Variants in HECW1 observed in about 807,000 individuals in gnomAD.
HECW1 encodes the protein E3 ubiquitin-protein ligase HECW1.
In HECW1, 61 loss-of-function variants were observed where a neutral mutation model predicts 182.3. That is an observed-to-expected ratio of 0.33 (90% confidence interval 0.27 to 0.41). HECW1 has a LOEUF of 0.41. Among genes scored for constraint, HECW1 ranks in the 10% least tolerant of loss-of-function variants. The pLI is 1.00. For missense variants in HECW1, 1,739 were observed against 2,108.9 expected (o/e 0.82, Z 3.44); for synonymous variants, 859 against 832.6 (o/e 1.03, Z -0.55).
chr7:43,379,585 A>C (rs773369667), intron 6 of HECW1, among the ~76,000 whole-genome samples: 2 of 152,062 alleles, frequency 1.3e-5, no homozygotes, highest in Non-Finnish European at 2.9e-5. Context: ...CTTGCCTGAC[A>C]CTGCCTCATT....
intron 15 of HECW1, among the ~76,000 whole-genome samples, chr7:43,467,733 A>T (rs1426944132): frequency 1.3e-5 from 2 of 152,110 alleles, no homozygotes; most frequent in Non-Finnish European, 2.9e-5. Flanking sequence ...ACTCAGCAGC[A>T]CTTAGGTCCA....
chr7:43,471,467 A>G (rs2078021015), intron 16 of HECW1, among the ~76,000 whole-genome samples: 1 of 152,202 alleles, frequency 6.6e-6, no homozygotes, highest in South Asian at 2.1e-4. Context: ...CCACCATGGT[A>G]GGAAGTAGAA....
intron 5 of HECW1, among the ~76,000 whole-genome samples, chr7:43,354,398 C>A (rs573273156): frequency 9.2e-5 from 14 of 152,052 alleles, no homozygotes; most frequent in Middle Eastern, 3.4e-3. Context: ...ACAAACTCAG[C>A]GATCTCCAAG....
At chr7:43,299,683 C>T (rs1806488724) in intron 3 of HECW1, among the ~76,000 whole-genome samples, 1 of 152,172 alleles carries the variant, frequency 6.6e-6, no homozygotes, top group African/African-American at 2.4e-5. Flanking sequence ...TCGCCTGAGA[C>T]GTTTAAGAAA....
chr7:43,471,329 G>T (rs1172976949), intron 16 of HECW1, among the ~76,000 whole-genome samples: 1 of 152,224 alleles, frequency 6.6e-6, no homozygotes, highest in African/African-American at 2.4e-5. Flanking sequence ...AAACAGTGGG[G>T]TGGCCATAGC....
intron 6 of HECW1, among the ~76,000 whole-genome samples, chr7:43,387,916 A>G (rs904662889): frequency 6.6e-6 from 1 of 152,280 alleles, no homozygotes; most frequent in Non-Finnish European, 1.5e-5. Flanking sequence ...TTAAAAAACA[A>G]ATACAATATA....
intron 2 of HECW1, among the ~76,000 whole-genome samples, chr7:43,218,916 C>T (rs1796689373): frequency 2.0e-5 from 3 of 152,054 alleles, no homozygotes. Context: ...AAGAAGCTCC[C>T]CTGTACAGAG....
At chr7:43,307,850 C>G (rs1324350580) in intron 3 of HECW1, among the ~76,000 whole-genome samples, 4 of 140,224 alleles carry the variant, frequency 2.9e-5, no homozygotes, top group Non-Finnish European at 4.5e-5. Context: ...GATGTGCTAG[C>G]TAACTTGATT....
chr7:43,396,554 G>A, intron 6 of HECW1: 1 of 366,766 alleles, frequency 2.7e-6, no homozygotes, highest in Non-Finnish European at 5.0e-6. Context: ...GTTACAAAGG[G>A]TCTTTTCTAT....
chr7:43,178,292 C>T lies in HECW1; in HGVS notation c.-32+63901C>T, dbSNP rs930490296. Among the ~76,000 whole-genome samples, 7 of 142,458 alleles carry T rather than the reference C, an allele frequency of 4.9e-5. No individual in the cohort carries two copies. In the South Asian group the frequency reaches 1.3e-3, roughly 27 times the overall value. 93.5% of individuals were successfully genotyped at this position (142,458 alleles called of 152,430 possible). On this transcript the variant is annotated intron_variant, in intron 2 of 29. Coordinates refer to ENST00000395891, the MANE Select transcript of HECW1 (RefSeq NM_015052.5). ...AAGTACTGGGATTACAGGCGTGAGCCACCGCACCTGGCCAGCAGGGTTCTA... is the reference window on the plus strand; with the variant it reads ...AAGTACTGGGATTACAGGCGTGAGCTACCGCACCTGGCCAGCAGGGTTCTA...
At chr7:43,525,688 G>T (rs868660787) in intron 24 of HECW1, among the ~76,000 whole-genome samples, 2 of 152,320 alleles carry the variant, frequency 1.3e-5, no homozygotes, top group Middle Eastern at 6.8e-3. Flanking sequence ...TCGGAGAAGG[G>T]GGATGTTGGT....
At chr7:43,541,053 C>T (rs773446067) in intron 24 of HECW1, 110 bp from the exon 25 acceptor site, 1 of 836,572 alleles carries the variant, frequency 1.2e-6, no homozygotes, top group Non-Finnish European at 2.0e-6. Context: ...GAGAAGATTC[C>T]TTAAGCAGCT....
intron 26 of HECW1, among the ~76,000 whole-genome samples, chr7:43,547,961 C>T (rs2081629337): frequency 6.6e-6 from 1 of 152,246 alleles, no homozygotes; most frequent in African/African-American, 2.4e-5. Context: ...TCATCAGCAA[C>T]ACTTGCGTTC....
At chr7:43,334,094 T>C (rs1811828497) in intron 5 of HECW1, among the ~76,000 whole-genome samples, 1 of 152,240 alleles carries the variant, frequency 6.6e-6, no homozygotes, top group Non-Finnish European at 1.5e-5. Context: ...TCAATGGTTG[T>C]GCATAGCCAC....
intron 26 of HECW1, among the ~76,000 whole-genome samples, chr7:43,546,168 C>T (rs2081551279): frequency 6.7e-6 from 1 of 150,308 alleles, no homozygotes; most frequent in Non-Finnish European, 1.5e-5. Flanking sequence ...TGGTGTCTGT[C>T]AGCTCTTGAA....
intron 3 of HECW1, among the ~76,000 whole-genome samples, chr7:43,278,008 C>T (rs1444190738): frequency 6.6e-6 from 1 of 152,044 alleles, no homozygotes; most frequent in Admixed American, 6.5e-5. Flanking sequence ...CAGACCTGGC[C>T]CTCTCCTGCT....
At chr7:43,419,293 C>A (rs74399349) in intron 8 of HECW1, among the ~76,000 whole-genome samples, 173 of 152,354 alleles carry the variant, frequency 1.1e-3, no homozygotes, top group African/African-American at 4.0e-3. Context: ...GTGAAGAATT[C>A]ATTCCATGCC....
At position 43,493,104 on chromosome 7, in the gene HECW1, G is replaced by A. The variant is rs1360434194; in HGVS notation, c.3361G>A (p.Ala1121Thr). The change falls in exon 19 of 30, where the codon GCA becomes ACA. Residue 1121 changes from alanine to threonine, a missense_variant. Around this residue, in one of 5 missense-constraint regions of HECW1, gnomAD observed 971 missense variants for 1,029.1 expected, o/e 0.94. Transcript: ENST00000395891. ...LPLAYNDKIVAFLRQPNIFEM... is the reference protein window; with the variant it reads ...LPLAYNDKIVTFLRQPNIFEM... ...TTCAGCATATAATGACAAGATTGTG[G>A]CATTTCTTCGCCAGCCAAACATTTT... 6 of 1,613,100 alleles carry A rather than the reference G, an allele frequency of 3.7e-6. No individual in the cohort carries two copies. Among genetic ancestry groups the A allele is most frequent in the South Asian group, 1.1e-5 (1 of 91,022 alleles).
rs192568048 is a variant in HECW1, at chr7:43,552,289, C to T, written c.4463C>T (p.Ala1488Val). The T allele has an allele frequency of 6.2e-6, 10 of 1,613,930 alleles. No individual in the cohort carries two copies. Among genetic ancestry groups the T allele is most frequent in the East Asian group, 4.5e-5 (2 of 44,876 alleles). The change falls in exon 28 of 30, where the codon GCG becomes GTG. Residue 1488 changes from alanine to valine, a missense_variant. Around this residue, in one of 5 missense-constraint regions of HECW1, gnomAD observed 420 missense variants for 595.7 expected, o/e 0.71. Transcript: ENST00000395891. ...CTGGAGCTGGTGATAGCTGGCACCG[C>T]GGAAATCGACCTAAATGACTGGCGG... Reference protein sequence around the residue: ...RELELVIAGTAEIDLNDWRNN... With the variant: ...RELELVIAGTVEIDLNDWRNN...
Sources: allele counts gnomAD v4.1 joint callset (sites outside exome capture counted in the v4.1 genomes callset), GRCh38; gene constraint gnomAD v4.1.1; regional missense constraint gnomAD v4.1.1; transcripts MANE v1.5; gene names NCBI Gene and HGNC (gene_info 2026-07-23, HGNC 2026-07-21).